The following TMEM135 variants were observed in gnomAD, a reference collection of about 807,000 sequenced individuals.
TMEM135 encodes the protein peroxisomal membrane protein 52.
TMEM135 carries 30 observed loss-of-function variants against 60.3 expected under a neutral mutation model. The observed-to-expected ratio is 0.50, with a 90% confidence interval of 0.37 to 0.68. The LOEUF (loss-of-function observed/expected upper bound fraction) is 0.68, where lower values mean the gene tolerates loss of function less well. Ranked by LOEUF, TMEM135 falls within the 30% of genes least tolerant of loss-of-function variation. The probability of loss-of-function intolerance (pLI) is 0.00; values close to 1 mark genes in which losing one functional copy is unlikely to be tolerated. For missense variants in TMEM135, 468 were observed against 548.8 expected, an observed-to-expected ratio of 0.85 and a Z score of 1.47; for synonymous variants, 190 against 186.7, an observed-to-expected ratio of 1.02 and a Z score of -0.14.
chr11:87,325,749 G>C lies in TMEM135; in HGVS notation c.*4416G>C, dbSNP rs1942903069. 1 of 453,768 alleles carries C rather than the reference G, an allele frequency of 2.2e-6. No homozygotes were observed. The highest frequency in any genetic ancestry group is 2.0e-5 in the African/African-American group (1 of 49,930). The allele number at this position is 453,768 out of a possible 1,614,324, so 28.1% of individuals were successfully genotyped here. A position where few individuals can be genotyped will look rare whatever the true frequency, so the allele number is the denominator to read the frequency against. On this transcript the variant is annotated 3_prime_UTR_variant, in exon 15 of 15. Transcript: ENST00000305494. ...TTTTCTTAGGCAGGATGATGTAGAA[G>C]ATAATTGCACAGATATGGAAGGAGA... is the stretch of plus-strand genomic sequence containing the variant.
At chr11:87,240,743 A>G (rs1267769875) in intron 6 of TMEM135, among the ~76,000 whole-genome samples, 10 of 152,160 alleles carry the variant, frequency 6.6e-5, no homozygotes, top group Non-Finnish European at 1.5e-4. Context: ...GTAGTTTTGC[A>G]TAATTTTTAT....
intron 11 of TMEM135, among the ~76,000 whole-genome samples, chr11:87,314,102 A>G (rs1942685511): frequency 1.3e-5 from 2 of 151,838 alleles, no homozygotes; most frequent in South Asian, 4.1e-4. Context: ...GCTATTTAAT[A>G]TTAGGAGAAT....
At chr11:87,079,956 C>CT (rs1383775725) in intron 3 of TMEM135, among the ~76,000 whole-genome samples, 1 of 150,668 alleles carries the variant, frequency 6.6e-6, no homozygotes, top group Non-Finnish European at 1.5e-5. Context: ...ATTCTCCTGC[C>CT]TCAGCCTCTC....
At chr11:87,073,607 C>T (rs1276318990) in intron 3 of TMEM135, among the ~76,000 whole-genome samples, 1 of 152,136 alleles carries the variant, frequency 6.6e-6, no homozygotes, top group African/African-American at 2.4e-5. Flanking sequence ...CTGCCACTGA[C>T]TGCGTGATAT....
intron 1 of TMEM135, among the ~76,000 whole-genome samples, chr11:87,060,398 G>T (rs1303501850): frequency 6.6e-6 from 1 of 152,072 alleles, no homozygotes; most frequent in Non-Finnish European, 1.5e-5. Flanking sequence ...TATCTTAGTT[G>T]TAGTTTCCCT....
intron 9 of TMEM135, among the ~76,000 whole-genome samples, chr11:87,308,461 G>A (rs887400686): frequency 6.6e-6 from 1 of 152,102 alleles, no homozygotes; most frequent in Non-Finnish European, 1.5e-5. Flanking sequence ...AAGGCATTAG[G>A]TAGTTTCAGG....
At chr11:87,193,104 CA>C (rs879418352) in intron 5 of TMEM135, among the ~76,000 whole-genome samples, 3,302 of 147,062 alleles carry the variant, frequency 0.022, 116 homozygotes, top group African/African-American at 0.072. Context: ...GACTCCATCT[CA>C]AAAAAAAAAA....
chr11:87,203,032 C>CAAAAAAAAAAAAAAAAAAAAAA (rs534909524), intron 5 of TMEM135, among the ~76,000 whole-genome samples: 3 of 33,568 alleles, frequency 8.9e-5, no homozygotes, highest in African/African-American at 2.6e-4. Context: ...GACTCCGTCT[C>CAAAAAAAAAAAAAAAAAAAAAA]AAAAAAAAAA....
intron 1 of TMEM135, among the ~76,000 whole-genome samples, chr11:87,047,060 A>G (rs898448993): frequency 6.6e-6 from 1 of 152,196 alleles, no homozygotes; most frequent in African/African-American, 2.4e-5. Flanking sequence ...GGGACTTTCC[A>G]ATGCAATACA....
chr11:87,186,381 T>G (rs1591086810), intron 5 of TMEM135, among the ~76,000 whole-genome samples: 1 of 152,346 alleles, frequency 6.6e-6, no homozygotes, highest in East Asian at 1.9e-4. Flanking sequence ...CCCAAGGGAC[T>G]GTTGTTACTT....
In TMEM135 at chr11:87,313,705, A is replaced by G. The variant is rs556219107; in HGVS notation, c.1000+217A>G. On this transcript the variant is annotated intron_variant, in intron 11 of 14. Transcript: ENST00000305494. ...GAGTTGGCAATATAATGGCTTGGGT[A>G]TCTGTCCTGCTATAGGCCATAAATC... 4.0e-5 allele frequency among the ~76,000 whole-genome samples: 6 copies of G among 151,890 alleles called. No homozygotes were observed. In the South Asian group the frequency reaches 6.2e-4, roughly 16 times the overall value.
chr11:87,267,037 T>A (rs1364402329), intron 6 of TMEM135, among the ~76,000 whole-genome samples: 1 of 152,066 alleles, frequency 6.6e-6, no homozygotes, highest in Non-Finnish European at 1.5e-5. Flanking sequence ...TTTCCTAGGG[T>A]CATAGAATTT....
intron 14 of TMEM135, 82 bp from the exon 15 acceptor site, chr11:87,321,119 A>G (rs1942811799): frequency 2.3e-6 from 3 of 1,303,744 alleles, no homozygotes; most frequent in Admixed American, 2.2e-5. Context: ...TTCCCATCCC[A>G]CATAAGATAA....
intron 4 of TMEM135, among the ~76,000 whole-genome samples, chr11:87,156,135 A>G (rs186364286): frequency 3.3e-5 from 5 of 152,206 alleles, no homozygotes; most frequent in African/African-American, 9.6e-5. Flanking sequence ...TGTGCACTCA[A>G]TAGTCTTATT....
In TMEM135 at chr11:87,038,042, C is replaced by G; in HGVS notation, c.-4C>G. ...CTCCTGTCTTCTCCGCGCTGTTCCT[C>G]GTCATGGCGGCCCTCAGCAAGTCCA... On this transcript the variant is annotated 5_prime_UTR_variant, in exon 1 of 15. Transcript: ENST00000305494. The G allele has an allele frequency of 6.2e-7, 1 of 1,614,044 alleles. No individual in the cohort carries two copies. Among genetic ancestry groups the G allele is most frequent in the South Asian group, 1.1e-5 (1 of 91,080 alleles).
chr11:87,309,663 T>A lies in TMEM135; in HGVS notation c.927T>A (p.Ser309Arg). ...GAGCTTTTCTTGGCTCTTTTGTTAG[T>A]ATATACAAGGTAAGGCTTTTAGAAG... ...QLGAFLGSFV[S>R]IYKGTSCFLR... The change falls in exon 10 of 15, where the codon AGT (serine) becomes AGA (arginine). Residue 309 changes from serine to arginine, a missense_variant. Transcript: ENST00000305494. 6.2e-7 allele frequency: 1 copy of A among 1,613,472 alleles called. No individual in the cohort carries two copies. The highest frequency in any genetic ancestry group is 1.3e-5 in the African/African-American group (1 of 75,034).
At chr11:87,146,896 T>C (rs953793538) in intron 4 of TMEM135, among the ~76,000 whole-genome samples, 2 of 152,068 alleles carry the variant, frequency 1.3e-5, no homozygotes, top group Non-Finnish European at 2.9e-5. Context: ...GACATCTAGT[T>C]GCCTAATAGG....
chr11:87,275,306 C>T (rs1339931537), intron 6 of TMEM135, among the ~76,000 whole-genome samples: 4 of 152,028 alleles, frequency 2.6e-5, no homozygotes, highest in Non-Finnish European at 4.4e-5. Context: ...CAGAAAAAGG[C>T]ATGGCATGAA....
At position 87,146,093 on chromosome 11, in the gene TMEM135, C is replaced by T. The variant is rs530504170; in HGVS notation, c.397-11248C>T. Among the ~76,000 whole-genome samples the T allele has an allele frequency of 3.3e-5, 5 of 152,306 alleles. No homozygotes were observed. In the East Asian group the frequency reaches 9.6e-4, roughly 29 times the overall value. Reference sequence around the variant, plus strand: ...GTTTAAGTCTTTAATCCATTTTTCACTGATTTTTGTATATGGTGTGAGACA... The same window carrying T: ...GTTTAAGTCTTTAATCCATTTTTCATTGATTTTTGTATATGGTGTGAGACA... On this transcript the variant is annotated intron_variant, in intron 4 of 14. Transcript: ENST00000305494.
Sources: allele counts gnomAD v4.1 joint callset (sites outside exome capture counted in the v4.1 genomes callset), GRCh38; gene constraint gnomAD v4.1.1; transcripts MANE v1.5; gene names NCBI Gene and HGNC (gene_info 2026-07-23, HGNC 2026-07-21).